The following KAZN variants were observed in gnomAD, a reference collection of about 807,000 sequenced individuals.
The protein encoded by KAZN is kazrin.
A neutral mutation model predicts 87.4 loss-of-function variants in KAZN; 40 were observed. That is an observed-to-expected ratio of 0.46 (90% confidence interval 0.36 to 0.60). The LOEUF (loss-of-function observed/expected upper bound fraction) is 0.60, where lower values mean the gene tolerates loss of function less well. Ranked by LOEUF, KAZN falls within the 20% of genes least tolerant of loss-of-function variation. The pLI is 0.00. For missense variants in KAZN, 898 were observed against 1,073.9 expected (o/e 0.84, Z 2.29); for synonymous variants, 466 against 458.3 (o/e 1.02, Z -0.22).
At chr1:15,050,133 A>T (rs1435082240) in intron 4 of KAZN, among the ~76,000 whole-genome samples, 3 of 125,244 alleles carry the variant, frequency 2.4e-5, no homozygotes, top group African/African-American at 3.4e-5. Flanking sequence ...GTAGGTCTCC[A>T]TCTCAATAGA....
At chr1:14,009,094 A>C (rs1640166503) in intron 1 of KAZN, among the ~76,000 whole-genome samples, 1 of 152,246 alleles carries the variant, frequency 6.6e-6, no homozygotes, top group African/African-American at 2.4e-5. Context: ...TATTTCACTT[A>C]GCATAATGAG....
intron 3 of KAZN, among the ~76,000 whole-genome samples, chr1:15,037,365 G>A (rs1200750354): frequency 6.6e-6 from 1 of 152,166 alleles, no homozygotes; most frequent in African/African-American, 2.4e-5. Context: ...CCCCTCCTGG[G>A]ACCAGGGTCA....
At chr1:14,796,075 C>T (rs183681826) in intron 1 of KAZN, among the ~76,000 whole-genome samples, 1 of 152,308 alleles carries the variant, frequency 6.6e-6, no homozygotes, top group Non-Finnish European at 1.5e-5. Flanking sequence ...AGGTAGGCCC[C>T]ACTTCGCCTC....
intron 2 of KAZN, among the ~76,000 whole-genome samples, chr1:14,181,933 A>G (rs1646207252): frequency 6.6e-6 from 1 of 152,138 alleles, no homozygotes; most frequent in Non-Finnish European, 1.5e-5. Context: ...TGCAAAACCT[A>G]AGGTACTGAA....
chr1:14,394,650 A>C (rs2101105218), intron 2 of KAZN, among the ~76,000 whole-genome samples: 1 of 152,224 alleles, frequency 6.6e-6, no homozygotes, highest in African/African-American at 2.4e-5. Flanking sequence ...CAATCTTAAC[A>C]CTCTTCACCA....
At chr1:14,712,715 GGAAA>G (rs1358425832) in intron 1 of KAZN, among the ~76,000 whole-genome samples, 2 of 152,124 alleles carry the variant, frequency 1.3e-5, no homozygotes, top group Non-Finnish European at 2.9e-5. Flanking sequence ...GCCTCCACAG[GGAAA>G]GAAACAATGA....
chr1:14,821,187 C>G (rs950174370), intron 1 of KAZN, among the ~76,000 whole-genome samples: 3 of 152,122 alleles, frequency 2.0e-5, no homozygotes, highest in Admixed American at 2.0e-4. Flanking sequence ...TAATGAAGCC[C>G]TAACCCTCCC....
intron 1 of KAZN, among the ~76,000 whole-genome samples, chr1:14,141,145 C>T (rs553363803): frequency 6.6e-6 from 1 of 151,584 alleles, no homozygotes; most frequent in African/African-American, 2.4e-5. Context: ...TAAACTTCCC[C>T]AGAAAACCCC....
At chr1:14,537,902 G>A (rs1672594729) in intron 2 of KAZN, among the ~76,000 whole-genome samples, 2 of 152,186 alleles carry the variant, frequency 1.3e-5, no homozygotes, top group Admixed American at 6.5e-5. Flanking sequence ...TGAAAGTAAT[G>A]AAAACTCATG....
intron 2 of KAZN, among the ~76,000 whole-genome samples, chr1:14,492,674 T>C (rs1571784402): frequency 4.5e-4 from 1 of 2,244 alleles, no homozygotes; most frequent in Non-Finnish European, 8.9e-4. Context: ...AAATACACAC[T>C]ACACACCACA....
At chr1:14,953,368 C>G (rs1662727222) in intron 1 of KAZN, among the ~76,000 whole-genome samples, 1 of 152,260 alleles carries the variant, frequency 6.6e-6, no homozygotes, top group Non-Finnish European at 1.5e-5. Context: ...TGCTCCTCTC[C>G]TTTTGGAAGG....
At chr1:15,070,363 G>A (rs933662124) in intron 8 of KAZN, among the ~76,000 whole-genome samples, 7 of 152,180 alleles carry the variant, frequency 4.6e-5, no homozygotes, top group Non-Finnish European at 8.8e-5. Flanking sequence ...AGCAGAAACC[G>A]GCTGCTGTCC....
intron 1 of KAZN, among the ~76,000 whole-genome samples, chr1:14,097,612 G>GGT (rs925419403): frequency 1.3e-4 from 20 of 152,022 alleles, no homozygotes; most frequent in Non-Finnish European, 2.6e-4. Flanking sequence ...GTATGTGAGG[G>GGT]GTGTGTGTGT....
chr1:13,934,384 A>G (rs1640643699), intron 1 of KAZN, among the ~76,000 whole-genome samples: 1 of 152,210 alleles, frequency 6.6e-6, no homozygotes, highest in Admixed American at 6.5e-5. Context: ...AAGCATAGAT[A>G]AGCCTGCCAC....
intron 1 of KAZN, among the ~76,000 whole-genome samples, chr1:13,981,117 A>ATG (rs1638680686): frequency 5.7e-5 from 7 of 123,254 alleles, no homozygotes; most frequent in Non-Finnish European, 9.9e-5. Context: ...ATATGTATAT[A>ATG]TAAACACAGA....
At chr1:14,014,708 A>G (rs1402800141) in intron 1 of KAZN, among the ~76,000 whole-genome samples, 1 of 152,230 alleles carries the variant, frequency 6.6e-6, no homozygotes, top group Non-Finnish European at 1.5e-5. Flanking sequence ...TAAATGTTGG[A>G]AGGAGCAAGA....
chr1:14,218,520 G>A (rs983963034), intron 2 of KAZN, among the ~76,000 whole-genome samples: 4 of 152,144 alleles, frequency 2.6e-5, no homozygotes, highest in African/African-American at 9.6e-5. Flanking sequence ...TAGCAAGGAA[G>A]CTAGAAAACT....
chr1:14,909,473 C>T (rs1439480612), intron 1 of KAZN, among the ~76,000 whole-genome samples: 2 of 152,228 alleles, frequency 1.3e-5, no homozygotes, highest in African/African-American at 2.4e-5. Context: ...CGTAACATCT[C>T]ATCTTGGCTG....
chr1:14,851,997 C>A (rs993716977), intron 1 of KAZN, among the ~76,000 whole-genome samples: 9 of 152,170 alleles, frequency 5.9e-5, no homozygotes, highest in Non-Finnish European at 1.2e-4. Flanking sequence ...TTGGAACAAG[C>A]CAAATGAAGT....
Sources: allele counts gnomAD v4.1 joint callset (sites outside exome capture counted in the v4.1 genomes callset), GRCh38; gene constraint gnomAD v4.1.1; transcripts MANE v1.5; gene names NCBI Gene and HGNC (gene_info 2026-07-23, HGNC 2026-07-21).